Variants in SPRED2 observed in about 807,000 individuals in gnomAD.
SPRED2 encodes sprouty related EVH1 domain containing 2, also known as sprouty-related, EVH1 domain-containing protein 2.
Under a neutral mutation model 43.0 loss-of-function variants are expected in SPRED2, and 47 were observed. The ratio of observed to expected loss-of-function variants is 1.09; its 90% CI spans 0.87 to 1.40. The LOEUF is 1.40. Among genes scored for constraint, SPRED2 ranks in the 40% most tolerant of loss-of-function variants. The probability of loss-of-function intolerance (pLI) is 0.00; values close to 1 mark genes in which losing one functional copy is unlikely to be tolerated. For synonymous variants in SPRED2, 225 were observed against 225.7 expected, an observed-to-expected ratio of 1.00 and a Z score of 0.03; for missense variants, 561 against 586.4, an observed-to-expected ratio of 0.96 and a Z score of 0.45.
At chr2:65,361,249 T>C (rs903787495) in intron 1 of SPRED2, among the ~76,000 whole-genome samples, 1 of 152,168 alleles carries the variant, frequency 6.6e-6, no homozygotes, top group East Asian at 1.9e-4. Context: ...AAAAGGAAGA[T>C]CTTATGCTTC....
rs147394829 is a variant in SPRED2, at chr2:65,387,036, C to T, written c.27-42140G>A. ...CTAATGTTATAGAAAAACACTTCAA[C>T]GTAAAGTATTCAGTGAATACCCTAA... is the stretch of plus-strand genomic sequence containing the variant. On this transcript the variant is annotated intron_variant, in intron 1 of 5. Coordinates refer to ENST00000356388, the MANE Select transcript of SPRED2 (RefSeq NM_181784.3). Among the ~76,000 whole-genome samples, 946 of 150,016 alleles carry T rather than the reference C, an allele frequency of 6.3e-3. 4 individuals carry two copies. The highest frequency in any genetic ancestry group is 0.01 in the Non-Finnish European group (688 of 67,764).
chr2:65,416,103 G>A (rs530274765), intron 1 of SPRED2, among the ~76,000 whole-genome samples: 18 of 152,158 alleles, frequency 1.2e-4, no homozygotes, highest in Non-Finnish European at 2.1e-4. Context: ...TCTAAATCCC[G>A]GATTAGCTAA....
chr2:65,422,118 T>A (rs113242457), intron 1 of SPRED2, among the ~76,000 whole-genome samples: 17,791 of 139,716 alleles, frequency 0.13, 1,516 homozygotes, highest in Non-Finnish European at 0.17. Context: ...TCTCTCTCTC[T>A]CTCTCTCTCT....
chr2:65,394,036 A>G (rs144482699), intron 1 of SPRED2, among the ~76,000 whole-genome samples: 1 of 152,330 alleles, frequency 6.6e-6, no homozygotes, highest in Non-Finnish European at 1.5e-5. Flanking sequence ...GACGTGTGAA[A>G]TACTAAGGCA....
At chr2:65,394,857 A>C (rs1675718489) in intron 1 of SPRED2, among the ~76,000 whole-genome samples, 1 of 152,228 alleles carries the variant, frequency 6.6e-6, no homozygotes, top group Non-Finnish European at 1.5e-5. Context: ...AGAAAATAAA[A>C]CAACAACAAC....
chr2:65,405,776 T>C (rs927059105), intron 1 of SPRED2, among the ~76,000 whole-genome samples: 1 of 152,224 alleles, frequency 6.6e-6, no homozygotes, highest in East Asian at 1.9e-4. Flanking sequence ...TTTGAACTAA[T>C]TTAAGCAGCT....
At chr2:65,322,270 C>CTCTCTCTA (rs1468134315) in intron 4 of SPRED2, among the ~76,000 whole-genome samples, 9 of 36,472 alleles carry the variant, frequency 2.5e-4, no homozygotes, top group Non-Finnish European at 3.4e-4. Flanking sequence ...CTCTCTCTCT[C>CTCTCTCTA]TATATATATA....
chr2:65,403,944 C>T (rs1675962338), intron 1 of SPRED2, among the ~76,000 whole-genome samples: 2 of 152,162 alleles, frequency 1.3e-5, no homozygotes, highest in Admixed American at 1.3e-4. Context: ...GTGGCTCACT[C>T]CTGTAATCCC....
At chr2:65,327,934 G>C (rs6714674) in intron 4 of SPRED2, among the ~76,000 whole-genome samples, 88,431 of 151,088 alleles carry the variant, frequency 0.59, 26,105 homozygotes, top group East Asian at 0.84. Flanking sequence ...ATGTTGGCCA[G>C]GCTGGTCTTG....
At chr2:65,322,302 T>A (rs1385580917) in intron 4 of SPRED2, among the ~76,000 whole-genome samples, 8 of 132,280 alleles carry the variant, frequency 6.0e-5, no homozygotes, top group African/African-American at 1.8e-4. Flanking sequence ...ATATTTTTTT[T>A]TTTTTTTTTG....
intron 1 of SPRED2, among the ~76,000 whole-genome samples, chr2:65,388,031 G>A (rs566797753): frequency 2.0e-5 from 3 of 152,236 alleles, no homozygotes; most frequent in African/African-American, 7.2e-5. Context: ...GACCTCAAGT[G>A]ATCTGCCTCG....
chr2:65,342,407 T>C (rs1674220152), intron 2 of SPRED2, among the ~76,000 whole-genome samples: 1 of 148,832 alleles, frequency 6.7e-6, no homozygotes, highest in Admixed American at 6.7e-5. Context: ...TATGTATGTA[T>C]ATTTTGTATA....
At chr2:65,332,363 C>CTGAG in intron 3 of SPRED2, 1 of 242,226 alleles carries the variant, frequency 4.1e-6, no homozygotes, top group Non-Finnish European at 8.2e-6. Context: ...GCCCACTCCT[C>CTGAG]TGAGGGACAT....
downstream of SPRED2, chr2:65,308,644 T>A: frequency 1.2e-6 from 1 of 820,950 alleles, no homozygotes; most frequent in Non-Finnish European, 1.5e-6. Flanking sequence ...CCACTGTAAC[T>A]AAAGCATATC....
intron 1 of SPRED2, among the ~76,000 whole-genome samples, chr2:65,384,982 T>TTG (rs1456003990): frequency 7.9e-5 from 12 of 151,116 alleles, no homozygotes; most frequent in Non-Finnish European, 1.5e-4. Context: ...CTTCTTTTTT[T>TTG]TTTTTTTTGA....
At chr2:65,310,416 C>T (rs1243964864), downstream of SPRED2, among the ~76,000 whole-genome samples, 1 of 151,386 alleles carries the variant, frequency 6.6e-6, no homozygotes, top group African/African-American at 2.4e-5. Context: ...AAGCATCTTG[C>T]AGTGTTAACA....
In SPRED2 at chr2:65,311,693, A is replaced by G; in HGVS notation, c.*1808T>C. The G allele has an allele frequency of 1.0e-6, 1 of 985,502 alleles. No individual in the cohort carries two copies. The highest frequency in any genetic ancestry group is 1.2e-6 in the Non-Finnish European group (1 of 829,936). The allele number at this position is 985,502 out of a possible 1,614,324, so 61.0% of individuals were successfully genotyped here. On this transcript the variant is annotated 3_prime_UTR_variant, in exon 6 of 6. Transcript: ENST00000356388. The stretch of plus-strand genomic sequence containing the variant: ...ATGGACAGCTCTCTGCTCCTTTTCC[A>G]AACTGGAAAGCCTAAACCAGTTACT...
intron 1 of SPRED2, among the ~76,000 whole-genome samples, chr2:65,361,802 A>G (rs917897060): frequency 6.6e-6 from 1 of 152,214 alleles, no homozygotes; most frequent in African/African-American, 2.4e-5. Context: ...CCACCCACAG[A>G]CACTAATTTT....
At chr2:65,333,775 G>C (rs1194835361) in intron 3 of SPRED2, among the ~76,000 whole-genome samples, 1 of 152,140 alleles carries the variant, frequency 6.6e-6, no homozygotes. Flanking sequence ...TAAGTAATTT[G>C]TCTTTTAAGA....
Sources: allele counts gnomAD v4.1 joint callset (sites outside exome capture counted in the v4.1 genomes callset), GRCh38; gene constraint gnomAD v4.1.1; transcripts MANE v1.5; gene names NCBI Gene and HGNC (gene_info 2026-07-23, HGNC 2026-07-21).